Variants in PRKG1 observed in about 807,000 individuals in gnomAD.
PRKG1 encodes protein kinase cGMP-dependent 1, also known as cGMP-dependent protein kinase 1.
PRKG1 carries 35 observed loss-of-function variants against 88.1 expected under a neutral mutation model. The observed-to-expected ratio is 0.40, with a 90% confidence interval of 0.30 to 0.53. The LOEUF is 0.53. Ranked by LOEUF, PRKG1 falls within the 20% of genes least tolerant of loss-of-function variation. The probability of loss-of-function intolerance (pLI) is 0.59; values close to 1 mark genes in which losing one functional copy is unlikely to be tolerated. For synonymous variants in PRKG1, 303 were observed against 292.5 expected, an observed-to-expected ratio of 1.04 and a Z score of -0.37; for missense variants, 540 against 839.8, an observed-to-expected ratio of 0.64 and a Z score of 4.41.
intron 5 of PRKG1, among the ~76,000 whole-genome samples, chr10:52,001,767 C>T (rs1193864432): frequency 2.6e-5 from 4 of 151,976 alleles, no homozygotes; most frequent in African/African-American, 9.7e-5. Flanking sequence ...ATCTCAACCA[C>T]CCATATTTAC....
chr10:52,291,608 T>C (rs1191561323), intron 17 of PRKG1, among the ~76,000 whole-genome samples: 1 of 152,124 alleles, frequency 6.6e-6, no homozygotes, highest in Non-Finnish European at 1.5e-5. Flanking sequence ...CTGCATAGTA[T>C]TCCATGGTGT....
chr10:51,912,676 C>G (rs1034667936), intron 5 of PRKG1, among the ~76,000 whole-genome samples: 2 of 151,802 alleles, frequency 1.3e-5, no homozygotes, highest in African/African-American at 2.4e-5. Context: ...GACAAGAAGG[C>G]AAGGGTACAA....
chr10:51,554,933 A>T (rs75387882), intron 3 of PRKG1, among the ~76,000 whole-genome samples: 1 of 151,998 alleles, frequency 6.6e-6, no homozygotes, highest in Non-Finnish European at 1.5e-5. Context: ...GGCAGTGTAA[A>T]AGTTCCTTGA....
At chr10:51,592,931 C>A (rs1046233139) in intron 3 of PRKG1, among the ~76,000 whole-genome samples, 1 of 152,106 alleles carries the variant, frequency 6.6e-6, no homozygotes, top group East Asian at 1.9e-4. Context: ...GGGAGCAGTT[C>A]TTTTTGTTCT....
intron 4 of PRKG1, among the ~76,000 whole-genome samples, chr10:51,879,232 A>C (rs1277394067): frequency 6.6e-6 from 1 of 152,156 alleles, no homozygotes; most frequent in East Asian, 1.9e-4. Context: ...ATTTGTAAAC[A>C]TTTTATCCTT....
chr10:51,157,438 A>T (rs1221061785), intron 2 of PRKG1, among the ~76,000 whole-genome samples: 1 of 151,952 alleles, frequency 6.6e-6, no homozygotes, highest in African/African-American at 2.4e-5. Context: ...TCTTAAACAG[A>T]TAGACTTTGG....
At chr10:51,003,709 C>A (rs1040452702) in intron 1 of PRKG1, among the ~76,000 whole-genome samples, 1 of 152,152 alleles carries the variant, frequency 6.6e-6, no homozygotes, top group African/African-American at 2.4e-5. Flanking sequence ...TGTCTTCCAG[C>A]AGATACCCAA....
chr10:52,043,928 A>AAC (rs1175653434), intron 5 of PRKG1, among the ~76,000 whole-genome samples: 1 of 149,626 alleles, frequency 6.7e-6, no homozygotes, highest in Non-Finnish European at 1.5e-5. Flanking sequence ...AAAAAAAAAA[A>AAC]AAACCCAAGC....
intron 14 of PRKG1, among the ~76,000 whole-genome samples, chr10:52,288,350 G>A (rs1358352402): frequency 1.3e-5 from 2 of 152,038 alleles, no homozygotes; most frequent in East Asian, 1.9e-4. Flanking sequence ...GGGTAGTATC[G>A]TTGGTGTTCC....
At chr10:52,021,310 T>C (rs1034528901) in intron 5 of PRKG1, among the ~76,000 whole-genome samples, 3 of 152,170 alleles carry the variant, frequency 2.0e-5, no homozygotes, top group Non-Finnish European at 2.9e-5. Context: ...GGTGGAGTTA[T>C]GGATGGATTT....
At chr10:51,804,717 G>A in intron 4 of PRKG1, 27 bp downstream of exon 4, 2 of 1,460,542 alleles carry the variant, frequency 1.4e-6, no homozygotes, top group Non-Finnish European at 1.9e-6. Flanking sequence ...TCTCTTGTGA[G>A]AGTGTTTACT....
At chr10:51,358,710 A>G (rs1842417420) in intron 2 of PRKG1, among the ~76,000 whole-genome samples, 1 of 151,862 alleles carries the variant, frequency 6.6e-6, no homozygotes, top group Non-Finnish European at 1.5e-5. Context: ...AGATTACTGG[A>G]TGGGAGAGTT....
chr10:52,191,348 T>A (rs2132754464), intron 9 of PRKG1, among the ~76,000 whole-genome samples: 1 of 151,588 alleles, frequency 6.6e-6, no homozygotes, highest in South Asian at 2.1e-4. Flanking sequence ...TTTTTTTTCT[T>A]ACAGAGATGG....
intron 2 of PRKG1, among the ~76,000 whole-genome samples, chr10:51,162,140 A>G (rs935640909): frequency 1.3e-5 from 2 of 152,202 alleles, no homozygotes; most frequent in East Asian, 1.9e-4. Flanking sequence ...TTGAATGTTT[A>G]GTAATTGTTT....
chr10:51,372,049 C>T (rs578170098), intron 2 of PRKG1, among the ~76,000 whole-genome samples: 75 of 152,152 alleles, frequency 4.9e-4, no homozygotes, highest in Non-Finnish European at 8.4e-4. Flanking sequence ...GTTTTCTATA[C>T]GTTTGAAGTG....
chr10:51,215,663 G>C (rs1010585876), intron 2 of PRKG1, among the ~76,000 whole-genome samples: 1 of 152,176 alleles, frequency 6.6e-6, no homozygotes, highest in Non-Finnish European at 1.5e-5. Context: ...TTATAAAACA[G>C]TCATTGATCA....
intron 1 of PRKG1, among the ~76,000 whole-genome samples, chr10:51,141,908 T>C (rs1357301605): frequency 2.0e-5 from 3 of 152,210 alleles, no homozygotes; most frequent in African/African-American, 4.8e-5. Flanking sequence ...CTCTGAAATA[T>C]TATAGGTCAT....
intron 3 of PRKG1, among the ~76,000 whole-genome samples, chr10:51,509,343 A>G (rs1196006599): frequency 6.6e-6 from 1 of 152,180 alleles, no homozygotes; most frequent in African/African-American, 2.4e-5. Context: ...ACATGGGGGA[A>G]TCATCATGGT....
intron 5 of PRKG1, among the ~76,000 whole-genome samples, chr10:52,040,836 T>TTC (rs1845737834): frequency 2.8e-5 from 4 of 141,740 alleles, no homozygotes; most frequent in South Asian, 4.8e-4. Flanking sequence ...GCTTTTCTTT[T>TTC]TTTTTTTTTT....
Sources: gnomAD v4.1 joint callset for allele counts (sites outside exome capture counted in the v4.1 genomes callset) on GRCh38, gnomAD v4.1.1 for gene constraint, MANE v1.5 for transcripts, NCBI Gene and HGNC (gene_info 2026-07-23, HGNC 2026-07-21) for gene names.